The following CDH4 variants were observed in gnomAD, a reference collection of about 807,000 sequenced individuals.
The protein encoded by CDH4 is cadherin 4, also known as cadherin-4.
CDH4 carries 33 observed loss-of-function variants against 86.0 expected under a neutral mutation model. That is an observed-to-expected ratio of 0.38 (90% CI 0.29 to 0.51). The LOEUF is 0.51. Ranked by LOEUF, CDH4 falls within the 20% of genes least tolerant of loss-of-function variation. The pLI is 0.86. For synonymous variants in CDH4, 555 were observed against 549.4 expected (o/e 1.01, Z -0.14); for missense variants, 1,114 against 1,307.4 (o/e 0.85, Z 2.28).
chr20:61,597,940 A>G (rs1403097252), intron 2 of CDH4, among the ~76,000 whole-genome samples: 1 of 152,060 alleles, frequency 6.6e-6, no homozygotes, highest in Admixed American at 6.5e-5. Flanking sequence ...CCTTTTTCCT[A>G]TTTTCTCCAA....
chr20:61,584,139 G>A (rs571375324), intron 2 of CDH4, among the ~76,000 whole-genome samples: 2 of 152,314 alleles, frequency 1.3e-5, no homozygotes, highest in African/African-American at 4.8e-5. Context: ...CAGCCTGGAT[G>A]AAAGAGCAAG....
Position 61,773,005 on chromosome 20 carries a change from G to T in CDH4, c.399G>T (p.Pro133=). 2 of 1,606,552 alleles carry T rather than the reference G, an allele frequency of 1.2e-6. No individual in the cohort carries two copies. Among genetic ancestry groups the T allele is most frequent in the Non-Finnish European group, 1.7e-6 (2 of 1,175,124 alleles). Residue 133 remains proline (P), a splice_region_variant and synonymous_variant, in exon 4 of 16, where the codon CCG becomes CCT. Transcript: ENST00000614565. ...TTCTCTCCCCTTTCCAAATAAAGCC[G>T]CAGAAAGGAAAGAAGGTCGTGGCTC... is the stretch of plus-strand genomic sequence containing the variant. ...QTSSPHSGHK[P]QKGKKVVALD...
rs1806880587 is a variant in CDH4, at chr20:61,285,315, C to T, written c.169+30378C>T. 2.0e-5 allele frequency among the ~76,000 whole-genome samples: 3 copies of T among 152,332 alleles called. No individual in the cohort carries two copies. The South Asian group carries it at 6.2e-4, about 32-fold the overall frequency. On this transcript the variant is annotated intron_variant, in intron 2 of 15. Coordinates refer to ENST00000614565, the MANE Select transcript of CDH4 (RefSeq NM_001794.5). Reference sequence around the variant, plus strand: ...CGAACCCACAGCTGCCTGCTCTTGACACTGGCCATAGGAGTGTAGCATAGA... The same window carrying T: ...CGAACCCACAGCTGCCTGCTCTTGATACTGGCCATAGGAGTGTAGCATAGA...
At chr20:61,468,698 G>C (rs574704405) in intron 2 of CDH4, among the ~76,000 whole-genome samples, 1 of 152,088 alleles carries the variant, frequency 6.6e-6, no homozygotes, top group Non-Finnish European at 1.5e-5. Flanking sequence ...CTGCCAGCCT[G>C]TACTGCCCTT....
At chr20:61,581,866 G>A (rs8118982) in intron 2 of CDH4, among the ~76,000 whole-genome samples, 3,093 of 152,258 alleles carry the variant, frequency 0.02, 74 homozygotes, top group African/African-American at 0.055. Context: ...CGGGAATGTG[G>A]CAGCTCAGCC....
intron 3 of CDH4, among the ~76,000 whole-genome samples, chr20:61,771,091 A>T (rs1348189235): frequency 1.4e-5 from 2 of 144,690 alleles, no homozygotes; most frequent in Non-Finnish European, 3.0e-5. Context: ...GCTCACTGCA[A>T]CCTCCACCTC....
chr20:61,652,942 T>TTTA lies in CDH4; in HGVS notation c.170-90619_170-90618insATT, dbSNP rs1568735042. Among the ~76,000 whole-genome samples, 11 of 109,530 alleles carry TTTA rather than the reference T, an allele frequency of 1.0e-4. 1 individual carries two copies. Among genetic ancestry groups the TTTA allele is most frequent in the Non-Finnish European group, 1.7e-4 (8 of 48,382 alleles). 71.9% of individuals were successfully genotyped at this position (109,530 alleles called of 152,430 possible). A position where few individuals can be genotyped will look rare whatever the true frequency, so the allele number is the denominator to read the frequency against. On this transcript the variant is annotated intron_variant, in intron 2 of 15. Coordinates refer to ENST00000614565, the MANE Select transcript of CDH4 (RefSeq NM_001794.5). ...AATTTATTTATTTATTTATTTATTT[T>TTTA]TTTTTTTTTTTTTATTGATCATTCT...
At chr20:61,351,166 C>T (rs771846438) in intron 2 of CDH4, among the ~76,000 whole-genome samples, 2 of 152,216 alleles carry the variant, frequency 1.3e-5, no homozygotes, top group East Asian at 1.9e-4. Context: ...TTGCAGGGCT[C>T]TGCCTCCCTG....
chr20:61,632,995 T>A (rs2086909195), intron 2 of CDH4, among the ~76,000 whole-genome samples: 1 of 150,226 alleles, frequency 6.7e-6, no homozygotes, highest in Non-Finnish European at 1.5e-5. Flanking sequence ...CCCATCCATC[T>A]ACCCATCCAT....
Position 61,936,834 on chromosome 20 carries a change from G to C in CDH4, c.2642G>C (p.Ser881Thr). 6.2e-7 allele frequency: 1 copy of C among 1,610,804 alleles called. No individual in the cohort carries two copies. Among genetic ancestry groups the C allele is most frequent in the South Asian group, 1.1e-5 (1 of 90,680 alleles). ...AGCGGCTCCACCGCAGGCTCCGTCA[G>C]CTCCCTGAACTCATCCAGTTCCGGG... The part of the protein sequence containing the change: ...EGSGSTAGSV[S>T]SLNSSSSGDQ... Residue 881 changes from serine (S) to threonine (T), a missense_variant, in exon 16 of 16, where the codon AGC becomes ACC. By Grantham distance (58) the Ser-to-Thr change is moderately conservative. Around this residue, in one of 3 missense-constraint regions of CDH4, gnomAD observed 188 missense variants for 183.8 expected, o/e 1.02. Transcript: ENST00000614565.
intron 2 of CDH4, among the ~76,000 whole-genome samples, chr20:61,333,173 G>C (rs909236885): frequency 1.3e-5 from 2 of 152,154 alleles, no homozygotes; most frequent in Non-Finnish European, 2.9e-5. Flanking sequence ...AAGAAACAAA[G>C]GTAGGTGTGA....
chr20:61,312,389 AGTG>A (rs2084451517), intron 2 of CDH4, among the ~76,000 whole-genome samples: 1 of 144,860 alleles, frequency 6.9e-6, no homozygotes, highest in African/African-American at 2.6e-5. Flanking sequence ...GCATGATGTG[AGTG>A]GTGTGGTGTG....
intron 2 of CDH4, among the ~76,000 whole-genome samples, chr20:61,425,135 C>T (rs533719820): frequency 1.1e-4 from 16 of 152,302 alleles, no homozygotes; most frequent in African/African-American, 1.7e-4. Context: ...GCTCCGCGAG[C>T]GCCTTGAATC....
At chr20:61,310,905 C>T (rs983568997) in intron 2 of CDH4, among the ~76,000 whole-genome samples, 15 of 152,166 alleles carry the variant, frequency 9.9e-5, no homozygotes, top group African/African-American at 3.6e-4. Flanking sequence ...CCTTAATCAC[C>T]ACTTCCAAGG....
At chr20:61,781,064 G>T (rs1331496077) in intron 4 of CDH4, among the ~76,000 whole-genome samples, 1 of 152,194 alleles carries the variant, frequency 6.6e-6, no homozygotes, top group South Asian at 2.1e-4. Context: ...GAAAGCAACA[G>T]TCAGCAGACG....
chr20:61,444,839 CTGTGTGTATATT>C (rs1401135599), intron 2 of CDH4, among the ~76,000 whole-genome samples: 2 of 147,378 alleles, frequency 1.4e-5, no homozygotes, highest in African/African-American at 2.5e-5. Flanking sequence ...ACATCTGTGT[CTGTGTGTATATT>C]TGTGTGTATA....
At chr20:61,596,512 TG>T (rs1360881091) in intron 2 of CDH4, among the ~76,000 whole-genome samples, 1 of 152,084 alleles carries the variant, frequency 6.6e-6, no homozygotes, top group Non-Finnish European at 1.5e-5. Flanking sequence ...GGGCCATGAG[TG>T]GTGCTCATCC....
intron 2 of CDH4, among the ~76,000 whole-genome samples, chr20:61,612,766 A>C (rs1391493143): frequency 1.3e-5 from 2 of 152,134 alleles, no homozygotes; most frequent in Non-Finnish European, 2.9e-5. Flanking sequence ...GTTTCTGCTA[A>C]TGTGACGGTT....
intron 2 of CDH4, among the ~76,000 whole-genome samples, chr20:61,494,448 A>G (rs1308078516): frequency 3.3e-5 from 5 of 152,160 alleles, no homozygotes; most frequent in African/African-American, 1.2e-4. Context: ...TTAACAAACA[A>G]CTCATAATGA....
Sources: allele counts gnomAD v4.1 joint callset (sites outside exome capture counted in the v4.1 genomes callset), GRCh38; gene constraint gnomAD v4.1.1; regional missense constraint gnomAD v4.1.1; transcripts MANE v1.5; gene names NCBI Gene and HGNC (gene_info 2026-07-23, HGNC 2026-07-21).